The following DPYD variants were observed in gnomAD, a reference collection of about 807,000 sequenced individuals.
DPYD encodes dihydropyrimidine dehydrogenase.
DPYD carries 109 observed loss-of-function variants against 116.2 expected under a neutral mutation model. That is an observed-to-expected ratio of 0.94 (90% CI 0.80 to 1.10). DPYD has a LOEUF of 1.10. DPYD is among the 50% of genes least tolerant of loss of function. The probability of loss-of-function intolerance (pLI) is 0.00; values close to 1 mark genes in which losing one functional copy is unlikely to be tolerated. For missense variants in DPYD, 1,302 were observed against 1,254.5 expected, an observed-to-expected ratio of 1.04 and a Z score of -0.57; for synonymous variants, 440 against 432.0, an observed-to-expected ratio of 1.02 and a Z score of -0.23.
At chr1:97,719,651 C>G in intron 5 of DPYD, 1 of 952,138 alleles carries the variant, frequency 1.1e-6, no homozygotes, top group Non-Finnish European at 1.3e-6. Context: ...ATAACTTTGA[C>G]AGTTGGGTAA....
chr1:97,152,070 T>C (rs922099073), intron 20 of DPYD, among the ~76,000 whole-genome samples: 3 of 152,194 alleles, frequency 2.0e-5, no homozygotes, highest in Non-Finnish European at 4.4e-5. Context: ...AATGTATTAA[T>C]CAACATGGCT....
Position 97,445,094 on chromosome 1 carries a change from G to A in DPYD, c.1905+4965C>T, listed in dbSNP as rs571058007. On this transcript the variant is annotated intron_variant, in intron 14 of 22. Coordinates refer to ENST00000370192, the MANE Select transcript of DPYD (RefSeq NM_000110.4). ...TTCTCTGGCAGTTAAACAAGCACTG[G>A]CCTCAAGATAAGCAATATAAAAACA... Among the ~76,000 whole-genome samples the A allele has an allele frequency of 3.9e-5, 6 of 152,202 alleles. No homozygotes were observed. The East Asian group carries it at 1.2e-3, about 29-fold the overall frequency.
intron 18 of DPYD, among the ~76,000 whole-genome samples, chr1:97,283,534 G>T (rs1470558256): frequency 1.3e-5 from 2 of 151,890 alleles, no homozygotes; most frequent in Non-Finnish European, 2.9e-5. Flanking sequence ...TTTTGTAATT[G>T]ACTTAATTTG....
intron 20 of DPYD, among the ~76,000 whole-genome samples, chr1:97,133,219 C>G (rs1038353720): frequency 2.6e-5 from 4 of 151,746 alleles, no homozygotes; most frequent in Admixed American, 2.6e-4. Flanking sequence ...TGTTGCTAGC[C>G]TTTTTGGATT....
At chr1:97,159,735 A>T (rs1655749511) in intron 20 of DPYD, among the ~76,000 whole-genome samples, 1 of 152,066 alleles carries the variant, frequency 6.6e-6, no homozygotes, top group Admixed American at 6.6e-5. Flanking sequence ...GAGATATGAA[A>T]AAATGGGAAA....
At chr1:97,372,113 T>G (rs754455658) in intron 16 of DPYD, among the ~76,000 whole-genome samples, 5 of 152,162 alleles carry the variant, frequency 3.3e-5, no homozygotes, top group African/African-American at 4.8e-5. Context: ...AGGGCAACAT[T>G]TTCAAAATAA....
intron 12 of DPYD, among the ~76,000 whole-genome samples, chr1:97,519,951 A>G (rs1051842456): frequency 9.9e-5 from 15 of 152,272 alleles, no homozygotes; most frequent in East Asian, 5.8e-4. Context: ...CATAAAAAAT[A>G]TAATTATTTT....
At chr1:97,316,984 C>T (rs761805544) in intron 16 of DPYD, among the ~76,000 whole-genome samples, 1 of 151,732 alleles carries the variant, frequency 6.6e-6, no homozygotes, top group African/African-American at 2.4e-5. Flanking sequence ...ATAGGCCTAT[C>T]TTCACAGGCA....
At chr1:97,506,736 G>A (rs1647361472) in intron 13 of DPYD, among the ~76,000 whole-genome samples, 1 of 151,974 alleles carries the variant, frequency 6.6e-6, no homozygotes, top group South Asian at 2.1e-4. Flanking sequence ...TGGTGAAGAT[G>A]TAATTATATT....
chr1:97,785,743 AGTGCAGT>A (rs1323827051), intron 3 of DPYD, among the ~76,000 whole-genome samples: 2 of 117,892 alleles, frequency 1.7e-5, no homozygotes, highest in Non-Finnish European at 3.2e-5. Context: ...CCCAGGCTGG[AGTGCAGT>A]GGCACATTCT....
chr1:97,523,909 T>C (rs1648866571), intron 12 of DPYD, among the ~76,000 whole-genome samples: 1 of 152,098 alleles, frequency 6.6e-6, no homozygotes, highest in Non-Finnish European at 1.5e-5. Flanking sequence ...TGGAGAAACA[T>C]GATGTATGTG....
chr1:97,221,927 A>C (rs1255881931), intron 19 of DPYD, among the ~76,000 whole-genome samples: 2 of 152,042 alleles, frequency 1.3e-5, no homozygotes, highest in African/African-American at 2.4e-5. Context: ...TTACCTCCCC[A>C]AATAACTATT....
intron 14 of DPYD, among the ~76,000 whole-genome samples, chr1:97,435,324 G>T (rs1395666516): frequency 6.6e-6 from 1 of 151,732 alleles, no homozygotes; most frequent in Admixed American, 6.6e-5. Context: ...TACCAAAATG[G>T]CCCTCATTCT....
At chr1:97,379,488 C>A (rs945391911) in intron 15 of DPYD, among the ~76,000 whole-genome samples, 10 of 152,136 alleles carry the variant, frequency 6.6e-5, no homozygotes, top group Non-Finnish European at 8.8e-5. Flanking sequence ...AAGGGGAGCC[C>A]CAGTCCCTTT....
chr1:97,637,546 A>G (rs1264092466), intron 8 of DPYD, among the ~76,000 whole-genome samples: 1 of 152,002 alleles, frequency 6.6e-6, no homozygotes, highest in East Asian at 1.9e-4. Flanking sequence ...AAGCACCCAG[A>G]AAACCAGGCA....
chr1:97,473,610 C>T (rs575749932), intron 13 of DPYD, among the ~76,000 whole-genome samples: 12 of 152,182 alleles, frequency 7.9e-5, no homozygotes, highest in Admixed American at 4.6e-4. Context: ...ATTTGGATGG[C>T]TAGTATCAAA....
At chr1:97,899,231 A>G (rs1286279775) in intron 1 of DPYD, among the ~76,000 whole-genome samples, 1 of 151,816 alleles carries the variant, frequency 6.6e-6, no homozygotes, top group Admixed American at 6.6e-5. Context: ...GAAGTCAGTC[A>G]CACAGCACTA....
At chr1:97,361,254 G>A (rs1160119765) in intron 16 of DPYD, among the ~76,000 whole-genome samples, 1 of 152,122 alleles carries the variant, frequency 6.6e-6, no homozygotes, top group Non-Finnish European at 1.5e-5. Context: ...ACTAAACCAG[G>A]AAGAAGATGA....
chr1:97,412,901 A>G (rs1674089299), intron 14 of DPYD, among the ~76,000 whole-genome samples: 1 of 152,186 alleles, frequency 6.6e-6, no homozygotes, highest in South Asian at 2.1e-4. Context: ...ACACCACCCT[A>G]AACGAGTCAT....
Sources: allele counts gnomAD v4.1 joint callset (sites outside exome capture counted in the v4.1 genomes callset), GRCh38; gene constraint gnomAD v4.1.1; transcripts MANE v1.5; gene names NCBI Gene and HGNC (gene_info 2026-07-23, HGNC 2026-07-21).